The following SLC10A7 variants were observed in gnomAD, a reference collection of about 807,000 sequenced individuals.
SLC10A7 encodes sodium/bile acid cotransporter 7.
In SLC10A7, 29 loss-of-function variants were observed where a neutral mutation model predicts 43.2. That is an observed-to-expected ratio of 0.67 (90% CI 0.50 to 0.92). The LOEUF (loss-of-function observed/expected upper bound fraction) is 0.92, where lower values mean the gene tolerates loss of function less well. SLC10A7 is among the 40% of genes least tolerant of loss of function. The pLI is 0.00. For missense variants in SLC10A7, 295 were observed against 403.2 expected (o/e 0.73, Z 2.30); for synonymous variants, 152 against 144.8 (o/e 1.05, Z -0.35).
At chr4:146,366,601 C>A (rs561194622) in intron 5 of SLC10A7, among the ~76,000 whole-genome samples, 2 of 151,952 alleles carry the variant, frequency 1.3e-5, no homozygotes, top group African/African-American at 4.8e-5. Context: ...TCTTGGTCAT[C>A]GACATTATTA....
At chr4:146,424,127 C>T (rs1308298023) in intron 5 of SLC10A7, among the ~76,000 whole-genome samples, 2 of 152,232 alleles carry the variant, frequency 1.3e-5, no homozygotes, top group Non-Finnish European at 2.9e-5. Context: ...TCACGGCTCA[C>T]TGCAGCCTAG....
intron 4 of SLC10A7, among the ~76,000 whole-genome samples, chr4:146,460,387 G>A (rs1732429343): frequency 6.6e-6 from 1 of 151,970 alleles, no homozygotes; most frequent in African/African-American, 2.4e-5. Context: ...GTATTCAAAT[G>A]TTCGGATTTA....
intron 5 of SLC10A7, among the ~76,000 whole-genome samples, chr4:146,440,275 TTTTTC>T (rs34725476): frequency 0.017 from 2,500 of 148,136 alleles, 74 homozygotes; most frequent in African/African-American, 0.059. Context: ...AGGGAGGTCT[TTTTTC>T]TTTTCTTTTC....
At chr4:146,426,437 G>T (rs1195633328) in intron 5 of SLC10A7, among the ~76,000 whole-genome samples, 3 of 152,118 alleles carry the variant, frequency 2.0e-5, no homozygotes, top group Non-Finnish European at 4.4e-5. Context: ...CCAACACTTT[G>T]GGAGGCCAAG....
intron 3 of SLC10A7, among the ~76,000 whole-genome samples, chr4:146,508,600 G>A (rs527310848): frequency 1.3e-5 from 2 of 152,192 alleles, no homozygotes; most frequent in South Asian, 2.1e-4. Context: ...CAGAAGTCAC[G>A]CTTGGTTCCT....
rs1727776511 is a variant in SLC10A7 at position 146,254,013 on chromosome 4, T to C, written c.*2478A>G. 1 of 152,238 alleles carries C rather than the reference T, an allele frequency of 6.6e-6. No homozygotes were observed. Among genetic ancestry groups the C allele is most frequent in the South Asian group, 2.1e-4 (1 of 4,830 alleles). The allele number at this position is 152,238 out of a possible 1,614,324, so 9.4% of individuals were successfully genotyped here. On this transcript the variant is annotated 3_prime_UTR_variant, in exon 12 of 12. Coordinates refer to ENST00000335472, the MANE Select transcript of SLC10A7 (RefSeq NM_001029998.6). ...TTCTGAAACATTCTTTGTTTAATCA[T>C]ATAATTATTTTCATCTTCCAGTCAT...
chr4:146,465,239 T>A (rs2149947843), intron 4 of SLC10A7, among the ~76,000 whole-genome samples: 1 of 152,308 alleles, frequency 6.6e-6, no homozygotes, highest in South Asian at 2.1e-4. Context: ...ATCTTTTTCC[T>A]CTTCTAAACA....
At chr4:146,271,144 G>A (rs547982596) in intron 10 of SLC10A7, among the ~76,000 whole-genome samples, 1 of 152,142 alleles carries the variant, frequency 6.6e-6, no homozygotes, top group Non-Finnish European at 1.5e-5. Flanking sequence ...CATCCAATCT[G>A]ATAGTCTAAA....
intron 6 of SLC10A7, among the ~76,000 whole-genome samples, chr4:146,320,173 G>C (rs576403286): frequency 6.6e-6 from 1 of 152,220 alleles, no homozygotes; most frequent in Non-Finnish European, 1.5e-5. Context: ...TAGTTGTCAT[G>C]AATTTCAAAT....
chr4:146,413,096 A>G (rs1728312668), intron 5 of SLC10A7, among the ~76,000 whole-genome samples: 3 of 152,156 alleles, frequency 2.0e-5, no homozygotes, highest in African/African-American at 7.2e-5. Flanking sequence ...TCCTTTAAAA[A>G]TTGATATTTA....
chr4:146,314,714 CAT>C (rs1479720979), intron 6 of SLC10A7, among the ~76,000 whole-genome samples: 1 of 152,120 alleles, frequency 6.6e-6, no homozygotes, highest in African/African-American at 2.4e-5. Flanking sequence ...TTGCACTCCA[CAT>C]GTTTCAAGAG....
chr4:146,445,653 C>G lies in SLC10A7; in HGVS notation c.397-2832G>C, dbSNP rs555002288. Among the ~76,000 whole-genome samples, 469 of 152,148 alleles carry G rather than the reference C, an allele frequency of 3.1e-3. 3 individuals carry two copies. The highest frequency in any genetic ancestry group is 0.01 in the African/African-American group (435 of 41,496). The stretch of plus-strand genomic sequence containing the variant: ...TCTTGGTACCCGAGTTCTTGTCAGG[C>G]GTCCAGGAAAAATCAGGTCACACAA... On this transcript the variant is annotated intron_variant, in intron 4 of 11. Coordinates refer to ENST00000335472, the MANE Select transcript of SLC10A7 (RefSeq NM_001029998.6).
chr4:146,330,954 T>G (rs1733490563), intron 5 of SLC10A7, among the ~76,000 whole-genome samples: 1 of 152,162 alleles, frequency 6.6e-6, no homozygotes, highest in African/African-American at 2.4e-5. Flanking sequence ...GGTCTCACCC[T>G]CCTTCCTGGT....
chr4:146,511,337 G>A (rs1737443840), intron 2 of SLC10A7, among the ~76,000 whole-genome samples: 1 of 152,160 alleles, frequency 6.6e-6, no homozygotes, highest in Non-Finnish European at 1.5e-5. Flanking sequence ...AAACTGGAAA[G>A]TGCTAGAAAA....
chr4:146,422,500 T>C (rs1729033194), intron 5 of SLC10A7, among the ~76,000 whole-genome samples: 1 of 152,112 alleles, frequency 6.6e-6, no homozygotes, highest in Admixed American at 6.6e-5. Context: ...AGTATAACAT[T>C]TACCTAAAAA....
rs575990377 is a variant in SLC10A7 at position 146,361,425 on chromosome 4, G to A, written c.436-35429C>T. On this transcript the variant is annotated intron_variant, in intron 5 of 11. Transcript: ENST00000335472. ...TTGTAAAGACATGTAGAAAGTGACC[G>A]ACTTGCCTGGTAATCCAGGAAATTC... Among the ~76,000 whole-genome samples, 79 of 152,248 alleles carry A rather than the reference G, an allele frequency of 5.2e-4. 1 individual carries two copies. In the South Asian group the frequency reaches 0.011, roughly 21 times the overall value.
At chr4:146,507,920 G>A (rs1454089218) in intron 3 of SLC10A7, among the ~76,000 whole-genome samples, 1 of 152,200 alleles carries the variant, frequency 6.6e-6, no homozygotes, top group Non-Finnish European at 1.5e-5. Flanking sequence ...TCAACATCTT[G>A]AAGTCAGAAT....
chr4:146,362,397 C>T (rs1736106698), intron 5 of SLC10A7, among the ~76,000 whole-genome samples: 1 of 152,072 alleles, frequency 6.6e-6, no homozygotes, highest in African/African-American at 2.4e-5. Context: ...ATATGTCTGG[C>T]AGCAGACTTC....
At chr4:146,339,531 T>C (rs1025526829) in intron 5 of SLC10A7, among the ~76,000 whole-genome samples, 1 of 151,944 alleles carries the variant, frequency 6.6e-6, no homozygotes. Flanking sequence ...GATTAACCAA[T>C]GGTCCTAAGA....
Sources: allele counts gnomAD v4.1 joint callset (sites outside exome capture counted in the v4.1 genomes callset), GRCh38; gene constraint gnomAD v4.1.1; transcripts MANE v1.5; gene names NCBI Gene and HGNC (gene_info 2026-07-23, HGNC 2026-07-21).